Variants in SLC35F4 observed in about 807,000 individuals in gnomAD.
SLC35F4 encodes the protein solute carrier family 35 member F4, also known as chromosome 14 open reading frame 36.
In SLC35F4, 24 loss-of-function variants were observed where a neutral mutation model predicts 44.2. The observed-to-expected ratio is 0.54, with a 90% confidence interval of 0.39 to 0.76. SLC35F4 has a LOEUF of 0.76. SLC35F4 is among the 30% of genes least tolerant of loss of function. SLC35F4 has a pLI of 0.00. For synonymous variants in SLC35F4, 238 were observed against 223.6 expected (o/e 1.06, Z -0.57); for missense variants, 562 against 586.1 (o/e 0.96, Z 0.42).
intron 1 of SLC35F4, among the ~76,000 whole-genome samples, chr14:57,960,581 A>G (rs1252343717): frequency 2.0e-5 from 3 of 152,244 alleles, no homozygotes; most frequent in African/African-American, 7.2e-5. Flanking sequence ...CATAATCAAT[A>G]GGCCTTGGAT....
chr14:57,865,049 C>T (rs1370288304), intron 1 of SLC35F4, among the ~76,000 whole-genome samples: 2 of 139,128 alleles, frequency 1.4e-5, no homozygotes, highest in Non-Finnish European at 3.0e-5. Flanking sequence ...TGTCGCCTCC[C>T]CTTCTCAGAC....
chr14:57,701,663 C>A (rs1038071857), intron 1 of SLC35F4, among the ~76,000 whole-genome samples: 2 of 152,262 alleles, frequency 1.3e-5, no homozygotes, highest in Non-Finnish European at 2.9e-5. Context: ...TGTGGTCAGT[C>A]ATTGACCTAA....
intron 1 of SLC35F4, among the ~76,000 whole-genome samples, chr14:57,979,888 T>A (rs772540230): frequency 6.6e-6 from 1 of 152,246 alleles, no homozygotes; most frequent in Non-Finnish European, 1.5e-5. Context: ...AAATTGGGCA[T>A]GGTCAGAGCA....
chr14:57,760,337 A>G (rs1289503137), intron 1 of SLC35F4, among the ~76,000 whole-genome samples: 1 of 152,170 alleles, frequency 6.6e-6, no homozygotes, highest in East Asian at 1.9e-4. Flanking sequence ...TAAGTTGACT[A>G]CATATGCATT....
intron 1 of SLC35F4, among the ~76,000 whole-genome samples, chr14:57,731,592 T>C (rs868767849): frequency 8.5e-5 from 13 of 152,202 alleles, no homozygotes; most frequent in African/African-American, 3.1e-4. Flanking sequence ...AGGTAGTCAG[T>C]TCCTACTCCT....
At chr14:57,673,006 A>G (rs1221493513) in intron 1 of SLC35F4, among the ~76,000 whole-genome samples, 1 of 152,094 alleles carries the variant, frequency 6.6e-6, no homozygotes, top group Non-Finnish European at 1.5e-5. Flanking sequence ...TGCCATAATT[A>G]GTCCTCTTAG....
chr14:57,585,514 A>G (rs979626085), intron 3 of SLC35F4, among the ~76,000 whole-genome samples: 3 of 152,212 alleles, frequency 2.0e-5, no homozygotes, highest in Non-Finnish European at 4.4e-5. Context: ...AGAGAAAAAA[A>G]TAAAGGGTAT....
At chr14:57,759,299 G>T (rs1313497085) in intron 1 of SLC35F4, among the ~76,000 whole-genome samples, 1 of 152,072 alleles carries the variant, frequency 6.6e-6, no homozygotes, top group Non-Finnish European at 1.5e-5. Flanking sequence ...CTTTTGAGGG[G>T]CTGGGCATGG....
At chr14:57,569,461 G>A (rs2068374277) in intron 6 of SLC35F4, among the ~76,000 whole-genome samples, 2 of 152,024 alleles carry the variant, frequency 1.3e-5, no homozygotes, top group Admixed American at 1.3e-4. Context: ...ACACAGCATG[G>A]CACACATGGA....
At chr14:57,580,767 T>A (rs1024487742) in intron 4 of SLC35F4, among the ~76,000 whole-genome samples, 1 of 152,036 alleles carries the variant, frequency 6.6e-6, no homozygotes, top group African/African-American at 2.4e-5. Context: ...TTAATTACTG[T>A]TTGGTAATCT....
chr14:57,744,561 T>C (rs1008441219), intron 1 of SLC35F4, among the ~76,000 whole-genome samples: 2 of 152,004 alleles, frequency 1.3e-5, no homozygotes, highest in African/African-American at 4.8e-5. Context: ...AAACCACTGC[T>C]CAATGAAATA....
upstream of SLC35F4, among the ~76,000 whole-genome samples, chr14:57,866,602 T>C (rs1232987133): frequency 1.3e-5 from 2 of 152,212 alleles, no homozygotes; most frequent in Non-Finnish European, 2.9e-5. Flanking sequence ...TGACTGTCCA[T>C]ACGGACCCTC....
intron 1 of SLC35F4, among the ~76,000 whole-genome samples, chr14:57,693,123 A>T (rs1234704475): frequency 6.6e-6 from 1 of 152,242 alleles, no homozygotes; most frequent in Non-Finnish European, 1.5e-5. Context: ...TTATTTCAAG[A>T]AAACAAATAC....
At chr14:57,626,249 G>A (rs2072469143) in intron 1 of SLC35F4, among the ~76,000 whole-genome samples, 1 of 144,250 alleles carries the variant, frequency 6.9e-6, no homozygotes, top group Non-Finnish European at 1.5e-5. Context: ...GCAGCAAACT[G>A]CCATGGCACA....
intron 1 of SLC35F4, among the ~76,000 whole-genome samples, chr14:57,964,668 C>T (rs1303080477): frequency 6.6e-6 from 1 of 151,878 alleles, no homozygotes; most frequent in African/African-American, 2.4e-5. Flanking sequence ...AGAGGTTGTG[C>T]AGAATTCCTC....
chr14:57,777,707 C>A (rs1461055673), intron 1 of SLC35F4, among the ~76,000 whole-genome samples: 1 of 151,910 alleles, frequency 6.6e-6, no homozygotes, highest in Non-Finnish European at 1.5e-5. Flanking sequence ...TGCAGCAAAC[C>A]AACATGGCAC....
intron 1 of SLC35F4, among the ~76,000 whole-genome samples, chr14:57,733,408 C>A (rs2076392068): frequency 6.8e-6 from 1 of 146,672 alleles, no homozygotes. Flanking sequence ...ACTGGCCATA[C>A]TTCTAAAATC....
intron 1 of SLC35F4, among the ~76,000 whole-genome samples, chr14:57,873,841 C>A (rs2141028485): frequency 6.6e-6 from 1 of 152,182 alleles, no homozygotes; most frequent in Admixed American, 6.5e-5. Flanking sequence ...GTGCCGCCTG[C>A]CTGCACACCA....
chr14:57,697,099 A>T (rs960737292), intron 1 of SLC35F4, among the ~76,000 whole-genome samples: 1 of 152,154 alleles, frequency 6.6e-6, no homozygotes, highest in African/African-American at 2.4e-5. Context: ...TTAAAAATAT[A>T]TTTTATTATG....
Sources: gnomAD v4.1 joint callset for allele counts (sites outside exome capture counted in the v4.1 genomes callset) on GRCh38, gnomAD v4.1.1 for gene constraint, MANE v1.5 for transcripts, NCBI Gene and HGNC (gene_info 2026-07-23, HGNC 2026-07-21) for gene names.